Variants in PIEZO2 observed in about 807,000 individuals in gnomAD.
PIEZO2 encodes piezo-type mechanosensitive ion channel component 2.
Under a neutral mutation model 337.3 loss-of-function variants are expected in PIEZO2, and 172 were observed. The observed-to-expected ratio is 0.51, with a 90% confidence interval of 0.45 to 0.58. The LOEUF is 0.58. Among genes scored for constraint, PIEZO2 ranks in the 20% least tolerant of loss-of-function variants. The probability of loss-of-function intolerance (pLI) is 0.00; values close to 1 mark genes in which losing one functional copy is unlikely to be tolerated. For missense variants in PIEZO2, 3,028 were observed against 3,391.3 expected, an observed-to-expected ratio of 0.89 and a Z score of 2.66; for synonymous variants, 1,251 against 1,228.5, an observed-to-expected ratio of 1.02 and a Z score of -0.38.
chr18:10,745,323 G>A (rs2037380424), intron 30 of PIEZO2, among the ~76,000 whole-genome samples: 2 of 151,936 alleles, frequency 1.3e-5, no homozygotes, highest in Admixed American at 1.3e-4. Context: ...CCATTAACAT[G>A]CAAATATGCT....
At position 11,110,572 on chromosome 18, in the gene PIEZO2, A is replaced by G. The variant is rs2039699656; in HGVS notation, c.64+37953T>C. ...AGAGCGGGGGAGTGGGAGCTGCCAC[A>G]TAACGGTTCCTTCAGAGGTGGACGG... On this transcript the variant is annotated intron_variant, in intron 1 of 55. Transcript: ENST00000674853. This position sits in a 1 kb window ranked among gnomAD's most constrained non-coding sequence, Gnocchi z 4.2. Among the ~76,000 whole-genome samples, 1 of 152,200 alleles carries G rather than the reference A, an allele frequency of 6.6e-6. No homozygotes were observed. The highest frequency in any genetic ancestry group is 2.1e-4 in the South Asian group (1 of 4,816).
chr18:10,695,002 C>G (rs1011155933), intron 47 of PIEZO2, among the ~76,000 whole-genome samples: 4 of 152,214 alleles, frequency 2.6e-5, no homozygotes, highest in African/African-American at 9.6e-5. Context: ...TGCTTGTGTA[C>G]ATAAAATCAG....
rs1213911222 is a variant in PIEZO2, at chr18:11,028,594, G to A, written c.160+37533C>T. ...GCCATCTTATATGGTCATTGACACT[G>A]TCCTTCAGCTTTATCTGAACACCCC... On this transcript the variant is annotated intron_variant, in intron 2 of 55. Transcript: ENST00000674853. This position sits in a 1 kb window ranked among gnomAD's most constrained non-coding sequence, Gnocchi z 4.8. Among the ~76,000 whole-genome samples the A allele has an allele frequency of 6.6e-6, 1 of 152,172 alleles. No homozygotes were observed. Among genetic ancestry groups the A allele is most frequent in the Non-Finnish European group, 1.5e-5 (1 of 68,040 alleles).
In PIEZO2 at chr18:10,870,973, G is replaced by A. The variant is rs1038109195; in HGVS notation, c.492+280C>T. 1.3e-5 allele frequency among the ~76,000 whole-genome samples: 2 copies of A among 151,992 alleles called. No homozygotes were observed. The highest frequency in any genetic ancestry group is 2.9e-5 in the Non-Finnish European group (2 of 68,010). On this transcript the variant is annotated intron_variant, in intron 5 of 55. Coordinates refer to ENST00000674853, the MANE Select transcript of PIEZO2 (RefSeq NM_001378183.1). This position sits in a 1 kb window ranked among gnomAD's most constrained non-coding sequence, Gnocchi z 5.3. ...GTATGACCTTGCACGGTTAGCCTCC[G>A]AGATAATATCACGTGATAGTTTGGG...
At chr18:10,691,717 A>G (rs1479867568) in intron 47 of PIEZO2, among the ~76,000 whole-genome samples, 2 of 148,886 alleles carry the variant, frequency 1.3e-5, no homozygotes, top group Non-Finnish European at 3.0e-5. Flanking sequence ...TAGACTCCTG[A>G]AAGAAAAAGC....
At chr18:10,978,125 A>C (rs1026266688) in intron 3 of PIEZO2, among the ~76,000 whole-genome samples, 1 of 152,200 alleles carries the variant, frequency 6.6e-6, no homozygotes, top group African/African-American at 2.4e-5. Flanking sequence ...GATCGAGACC[A>C]TACTGGCTAA....
intron 2 of PIEZO2, among the ~76,000 whole-genome samples, chr18:11,015,474 C>T (rs756595736): frequency 5.3e-5 from 8 of 152,220 alleles, no homozygotes; most frequent in Admixed American, 6.5e-5. Flanking sequence ...AACTTACTCA[C>T]ATCTGCAAAG....
chr18:10,718,937 C>T (rs1021590914), intron 36 of PIEZO2, among the ~76,000 whole-genome samples: 1 of 151,396 alleles, frequency 6.6e-6, no homozygotes, highest in Non-Finnish European at 1.5e-5. Context: ...CGTGATTGTG[C>T]CACTGCGCTC....
rs2038047586 is a variant in PIEZO2, at chr18:11,063,585, G to A, written c.160+2542C>T. On this transcript the variant is annotated intron_variant, in intron 2 of 55. Transcript: ENST00000674853. The stretch of plus-strand genomic sequence containing the variant: ...AAATACCTCATCAGACCAAATGGTG[G>A]GCAGAGGGCCACGGAGCCATGCTTA... Among the ~76,000 whole-genome samples, 4 of 152,134 alleles carry A rather than the reference G, an allele frequency of 2.6e-5. No individual in the cohort carries two copies. The South Asian group carries it at 6.2e-4, about 24-fold the overall frequency.
intron 4 of PIEZO2, among the ~76,000 whole-genome samples, chr18:10,901,406 C>T (rs1191296953): frequency 6.9e-6 from 1 of 145,392 alleles, no homozygotes; most frequent in South Asian, 2.3e-4. Context: ...GGTAAATCAC[C>T]TACTTCTATT....
intron 47 of PIEZO2, among the ~76,000 whole-genome samples, chr18:10,694,456 A>T (rs1340277002): frequency 2.6e-5 from 4 of 152,332 alleles, no homozygotes; most frequent in African/African-American, 9.6e-5. Context: ...ACTTGGCTAC[A>T]AATGACTCAG....
intron 21 of PIEZO2, among the ~76,000 whole-genome samples, chr18:10,768,934 T>TC (rs1314576746): frequency 5.9e-5 from 9 of 152,036 alleles, no homozygotes; most frequent in Admixed American, 5.9e-4. Context: ...GAATTTCCGC[T>TC]CCCCCAATGC....
chr18:10,710,099 T>A (rs556527870), intron 39 of PIEZO2, among the ~76,000 whole-genome samples: 1 of 152,264 alleles, frequency 6.6e-6, no homozygotes, highest in South Asian at 2.1e-4. Flanking sequence ...TCATTTAATA[T>A]TTGCAGAGAT....
rs756700519 is a variant in PIEZO2, at chr18:11,055,074, G to A, written c.160+11053C>T. ...AAAACACAAAAAATTAGCTGGGCGC[G>A]GTGGCAGGCGCCTGTAGTCCCAGCT... On this transcript the variant is annotated intron_variant, in intron 2 of 55. Coordinates refer to ENST00000674853, the MANE Select transcript of PIEZO2 (RefSeq NM_001378183.1). 3.0e-4 allele frequency among the ~76,000 whole-genome samples: 45 copies of A among 152,184 alleles called. No individual in the cohort carries two copies. In the Middle Eastern group the frequency reaches 0.01, roughly 35 times the overall value.
At chr18:10,720,234 G>GCGTGTATA (rs1555631512) in intron 36 of PIEZO2, among the ~76,000 whole-genome samples, 13 of 119,894 alleles carry the variant, frequency 1.1e-4, no homozygotes, top group African/African-American at 4.0e-4. Flanking sequence ...GTGTGTGTGT[G>GCGTGTATA]TATATATATA....
intron 3 of PIEZO2, among the ~76,000 whole-genome samples, chr18:10,972,742 G>C (rs2034293007): frequency 6.6e-6 from 1 of 152,126 alleles, no homozygotes; most frequent in Non-Finnish European, 1.5e-5. Context: ...GCGTAATTTG[G>C]AGACAGGATT....
chr18:10,947,364 A>G (rs1433385734), intron 3 of PIEZO2, among the ~76,000 whole-genome samples: 7 of 152,204 alleles, frequency 4.6e-5, no homozygotes, highest in Non-Finnish European at 1.0e-4. Context: ...ATATTTTTCA[A>G]GTTCAGTACT....
chr18:11,135,781 C>T (rs760890820), intron 1 of PIEZO2, among the ~76,000 whole-genome samples: 11 of 152,144 alleles, frequency 7.2e-5, no homozygotes, highest in African/African-American at 9.7e-5. Flanking sequence ...CTCCTGACCT[C>T]GTGATCCGCC....
chr18:10,872,415 C>A lies in PIEZO2; in HGVS notation c.330-1000G>T, dbSNP rs917404796. On this transcript the variant is annotated intron_variant, in intron 4 of 55. Transcript: ENST00000674853. The surrounding 1 kb of genome is among the most constrained non-coding windows in gnomAD (Gnocchi z 4.3). ...CGCCATCTGTGATTTTGGGAGGCGTCCAGTGGTAATGAATATGGGAATGAG... is the reference window on the plus strand; with the variant it reads ...CGCCATCTGTGATTTTGGGAGGCGTACAGTGGTAATGAATATGGGAATGAG... 1.3e-5 allele frequency among the ~76,000 whole-genome samples: 2 copies of A among 152,140 alleles called. No homozygotes were observed. Among genetic ancestry groups the A allele is most frequent in the Admixed American group, 1.3e-4 (2 of 15,270 alleles).
Sources: gnomAD v4.1 joint callset for allele counts (sites outside exome capture counted in the v4.1 genomes callset) on GRCh38, gnomAD v4.1.1 for gene constraint, Gnocchi (gnomAD v3.1) non-coding constraint, MANE v1.5 for transcripts, NCBI Gene and HGNC (gene_info 2026-07-23, HGNC 2026-07-21) for gene names.